KCNIP1: variants seen among roughly 807,000 people sequenced by gnomAD.
The protein encoded by KCNIP1 is potassium voltage-gated channel interacting protein 1, also known as A-type potassium channel modulatory protein KCNIP1.
A neutral mutation model predicts 33.0 loss-of-function variants in KCNIP1; 18 were observed. The ratio of observed to expected loss-of-function variants is 0.55; its 90% CI spans 0.38 to 0.81. KCNIP1 has a LOEUF of 0.81. Ranked by LOEUF, KCNIP1 falls within the 30% of genes least tolerant of loss-of-function variation. The pLI, the probability that KCNIP1 is intolerant of heterozygous loss-of-function variation, is 0.00. For synonymous variants in KCNIP1, 93 were observed against 98.3 expected (o/e 0.95, Z 0.32); for missense variants, 238 against 271.6 (o/e 0.88, Z 0.87).
intron 1 of KCNIP1, among the ~76,000 whole-genome samples, chr5:170,463,340 T>C (rs1756545923): frequency 6.6e-6 from 1 of 152,092 alleles, no homozygotes; most frequent in Admixed American, 6.5e-5. Context: ...AGGCCAGTAT[T>C]ATCCCATTAC....
At chr5:170,714,203 G>C (rs536649842) in intron 1 of KCNIP1, among the ~76,000 whole-genome samples, 2 of 152,174 alleles carry the variant, frequency 1.3e-5, no homozygotes, top group African/African-American at 4.8e-5. Context: ...TCACAGTCCA[G>C]GTCTAACTGG....
intron 1 of KCNIP1, among the ~76,000 whole-genome samples, chr5:170,396,656 TG>T: frequency 6.6e-6 from 1 of 152,320 alleles, no homozygotes; most frequent in Admixed American, 6.5e-5. Flanking sequence ...GAATAGCAAT[TG>T]GTTGAAATAA....
intron 1 of KCNIP1, chr5:170,377,285 C>T (rs1764042968): frequency 6.6e-6 from 1 of 152,324 alleles, no homozygotes; most frequent in Admixed American, 6.5e-5. Flanking sequence ...CCGTGCAGGG[C>T]TTCTGGCGTG....
At chr5:170,715,048 C>A (rs1252488183) in intron 1 of KCNIP1, among the ~76,000 whole-genome samples, 1 of 152,162 alleles carries the variant, frequency 6.6e-6, no homozygotes, top group Non-Finnish European at 1.5e-5. Context: ...TGGTAAGTGC[C>A]CTAATAGTTG....
In KCNIP1 at chr5:170,404,680, T is replaced by G. The variant is rs533396785; in HGVS notation, c.88+50716T>G. Among the ~76,000 whole-genome samples the G allele has an allele frequency of 5.9e-5, 9 of 152,240 alleles. No individual in the cohort carries two copies. In the East Asian group the frequency reaches 1.5e-3, roughly 26 times the overall value. ...TCCTCTAGAGGTCCAAGCTTGAAAC[T>G]CACACTGTCACTTACAAGCATTTGA... is the stretch of plus-strand genomic sequence containing the variant. On this transcript the variant is annotated intron_variant, in intron 1 of 7. Coordinates refer to the KCNIP1 transcript ENST00000377360.
chr5:170,533,458 G>A (rs755692475), intron 1 of KCNIP1, among the ~76,000 whole-genome samples: 4 of 152,172 alleles, frequency 2.6e-5, no homozygotes, highest in Non-Finnish European at 5.9e-5. Flanking sequence ...CTTGCTTGAG[G>A]CCATGATGCC....
intron 1 of KCNIP1, among the ~76,000 whole-genome samples, chr5:170,660,407 G>C (rs921124184): frequency 6.3e-4 from 95 of 151,116 alleles, no homozygotes; most frequent in African/African-American, 2.2e-3. Flanking sequence ...TCTACTTAAA[G>C]TAAATCACAG....
intron 1 of KCNIP1, among the ~76,000 whole-genome samples, chr5:170,536,151 G>C (rs1472879014): frequency 1.3e-5 from 2 of 152,230 alleles, no homozygotes; most frequent in African/African-American, 4.8e-5. Flanking sequence ...ACGAAACCCA[G>C]AGAGCAGCAG....
chr5:170,658,174 T>C (rs903856117), intron 1 of KCNIP1, among the ~76,000 whole-genome samples: 2 of 152,214 alleles, frequency 1.3e-5, no homozygotes, highest in African/African-American at 4.8e-5. Context: ...TCAGTCCCTT[T>C]TCTGTTGCTT....
chr5:170,360,435 CT>C (rs1198313554), intron 1 of KCNIP1, among the ~76,000 whole-genome samples: 1 of 152,186 alleles, frequency 6.6e-6, no homozygotes, highest in African/African-American at 2.4e-5. Flanking sequence ...CATGTGGCTA[CT>C]GGAGATGGAA....
At chr5:170,641,433 G>A (rs1410659907) in intron 1 of KCNIP1, among the ~76,000 whole-genome samples, 5 of 152,216 alleles carry the variant, frequency 3.3e-5, no homozygotes, top group South Asian at 2.1e-4. Context: ...GAAGGTGGCC[G>A]TCATCCCCAT....
At chr5:170,445,294 C>T (rs995955706) in intron 1 of KCNIP1, among the ~76,000 whole-genome samples, 1 of 144,680 alleles carries the variant, frequency 6.9e-6, no homozygotes, top group Non-Finnish European at 1.5e-5. Context: ...CATGTGGATG[C>T]TCATTCGTTG....
intron 1 of KCNIP1, among the ~76,000 whole-genome samples, chr5:170,363,686 T>G (rs1763578624): frequency 6.6e-6 from 1 of 152,236 alleles, no homozygotes; most frequent in Admixed American, 6.5e-5. Flanking sequence ...CATCCTTTCC[T>G]ATATTTTTAA....
intron 1 of KCNIP1, chr5:170,641,976 C>T (rs966944966): frequency 6.6e-6 from 1 of 152,388 alleles, no homozygotes; most frequent in African/African-American, 2.4e-5. Context: ...GCTCTGTCGC[C>T]CTTCCCATCA....
At position 170,732,921 on chromosome 5, in the gene KCNIP1, T is replaced by C; in HGVS notation, c.540+17T>C. On this transcript the variant is annotated intron_variant, in intron 6 of 7. Transcript: ENST00000328939. ...TTCTTCCAGGTAAGTGCACACACCC[T>C]GCACATGAGCTGTAAGCCCAGCCTA... The C allele has an allele frequency of 6.6e-7, 1 of 1,505,770 alleles. No homozygotes were observed. Among genetic ancestry groups the C allele is most frequent in the Non-Finnish European group, 9.2e-7 (1 of 1,081,532 alleles). The allele number at this position is 1,505,770 out of a possible 1,614,324, so 93.3% of individuals were successfully genotyped here. A position where few individuals can be genotyped will look rare whatever the true frequency, so the allele number is the denominator to read the frequency against.
chr5:170,667,552 A>C (rs915838793), intron 1 of KCNIP1, among the ~76,000 whole-genome samples: 11 of 152,120 alleles, frequency 7.2e-5, no homozygotes, highest in Non-Finnish European at 1.6e-4. Flanking sequence ...AATGGAAGAG[A>C]AGTTTCCTGG....
intron 1 of KCNIP1, among the ~76,000 whole-genome samples, chr5:170,536,117 A>G (rs1413895137): frequency 6.6e-6 from 1 of 152,244 alleles, no homozygotes; most frequent in Non-Finnish European, 1.5e-5. Context: ...GCATTTAATA[A>G]AAACAAAGCC....
intron 1 of KCNIP1, among the ~76,000 whole-genome samples, chr5:170,421,298 A>G (rs1668134482): frequency 6.6e-6 from 1 of 152,228 alleles, no homozygotes; most frequent in South Asian, 2.1e-4. Context: ...AGCTCTTTAA[A>G]AAGCAGGAGT....
chr5:170,456,994 C>A (rs1389202634), intron 1 of KCNIP1, among the ~76,000 whole-genome samples: 1 of 152,048 alleles, frequency 6.6e-6, no homozygotes, highest in South Asian at 2.1e-4. Context: ...TGCTGAGCCA[C>A]CACACCCAGC....
Sources: gnomAD v4.1 joint callset for allele counts (sites outside exome capture counted in the v4.1 genomes callset) on GRCh38, gnomAD v4.1.1 for gene constraint, MANE v1.5 for transcripts, NCBI Gene and HGNC (gene_info 2026-07-23, HGNC 2026-07-21) for gene names.